ETHE1: variants seen among roughly 807,000 people sequenced by gnomAD.
ETHE1 encodes ETHE1 persulfide dioxygenase.
Under a neutral mutation model 25.7 loss-of-function variants are expected in ETHE1, and 16 were observed. The observed-to-expected ratio is 0.62, with a 90% CI of 0.42 to 0.95. The LOEUF is 0.95. Among genes scored for constraint, ETHE1 ranks in the 40% least tolerant of loss-of-function variants. The pLI, the probability that ETHE1 is intolerant of heterozygous loss-of-function variation, is 0.00. For missense variants in ETHE1, 300 were observed against 333.6 expected, an observed-to-expected ratio of 0.90 and a Z score of 0.79; for synonymous variants, 139 against 135.9, an observed-to-expected ratio of 1.02 and a Z score of -0.16.
chr19:43,506,968 C>G, intron 6 of ETHE1, 66 bp from the exon 7 acceptor site: 1 of 1,539,844 alleles, frequency 6.5e-7, no homozygotes, highest in South Asian at 1.1e-5. Context: ...CACTGGAGAC[C>G]CAGAAATCCT....
intron 3 of ETHE1, among the ~76,000 whole-genome samples, chr19:43,513,562 G>A (rs1971961917): frequency 6.6e-6 from 1 of 152,178 alleles, no homozygotes; most frequent in Non-Finnish European, 1.5e-5. Flanking sequence ...GGAGCCTGCA[G>A]CCCCTTCATT....
chr19:43,515,233 G>A (rs1157560956), intron 3 of ETHE1, among the ~76,000 whole-genome samples: 11 of 152,042 alleles, frequency 7.2e-5, no homozygotes, highest in Non-Finnish European at 1.6e-4. Context: ...CCCGGCCAAT[G>A]TGGTGAAACC....
Position 43,511,428 on chromosome 19 carries a change from G to A in ETHE1, c.505+9C>T, listed in dbSNP as rs2145984339. On this transcript the variant is annotated intron_variant, in intron 4 of 6. Coordinates refer to ENST00000292147, the MANE Select transcript of ETHE1 (RefSeq NM_014297.5). ...TGAAGATCTTGGGCTGGATAAAGGA[G>A]CTGGTCACCTTGCTGGAAGTCTGTC... The A allele has an allele frequency of 6.2e-7, 1 of 1,614,136 alleles. No individual in the cohort carries two copies. Among genetic ancestry groups the A allele is most frequent in the Non-Finnish European group, 8.5e-7 (1 of 1,180,022 alleles).
chr19:43,525,495 C>T (rs1240504097), intron 3 of ETHE1: 2 of 152,540 alleles, frequency 1.3e-5, no homozygotes. Context: ...GAATGCCCTG[C>T]CAGCTGTTTC....
At chr19:43,508,559 G>A (rs1191187083) in intron 5 of ETHE1, among the ~76,000 whole-genome samples, 2 of 152,004 alleles carry the variant, frequency 1.3e-5, no homozygotes, top group Non-Finnish European at 2.9e-5. Context: ...AGCTGGTCTC[G>A]AACTCACTCC....
At chr19:43,508,916 A>G in intron 4 of ETHE1, 52 bp from the exon 5 acceptor site, 2 of 1,375,720 alleles carry the variant, frequency 1.5e-6, no homozygotes, top group Non-Finnish European at 2.0e-6. Context: ...GAAGACTCTA[A>G]CCCCTTCCTT....
chr19:43,511,132 G>A (rs575561440), intron 4 of ETHE1, among the ~76,000 whole-genome samples: 1 of 152,018 alleles, frequency 6.6e-6, no homozygotes, highest in African/African-American at 2.4e-5. Context: ...TCTACATGAT[G>A]GTGAGTTACA....
At chr19:43,511,363 T>C (rs1379489447) in intron 4 of ETHE1, 74 bp downstream of exon 4, 5 of 1,606,230 alleles carry the variant, frequency 3.1e-6, no homozygotes, top group Admixed American at 1.7e-5. Flanking sequence ...CATTCATTCT[T>C]GTAACAGATA....
rs536344746 is a variant in ETHE1, at chr19:43,512,518, G to C, written c.376-952C>G. The stretch of plus-strand genomic sequence containing the variant: ...TAGAGATCTGTGGAACTTTGAACTT[G>C]AGAGAGATGACTTAGGGTACCTAGT... On this transcript the variant is annotated intron_variant, in intron 3 of 6. Coordinates refer to ENST00000292147, the MANE Select transcript of ETHE1 (RefSeq NM_014297.5). Among the ~76,000 whole-genome samples the C allele has an allele frequency of 3.3e-5, 5 of 152,256 alleles. No homozygotes were observed. The South Asian group carries it at 8.3e-4, about 25-fold the overall frequency.
intron 4 of ETHE1, among the ~76,000 whole-genome samples, chr19:43,511,046 G>T (rs1477033465): frequency 6.6e-6 from 1 of 151,994 alleles, no homozygotes. Context: ...AATGCCTGAT[G>T]ATCTGTCACT....
rs143395743 is a variant in ETHE1, at chr19:43,523,973, T to C, written c.375+2228A>G. On this transcript the variant is annotated intron_variant, in intron 3 of 6. Coordinates refer to ENST00000292147, the MANE Select transcript of ETHE1 (RefSeq NM_014297.5). The stretch of plus-strand genomic sequence containing the variant: ...AAATGTGCCTGGGCGCAGTGGCTCA[T>C]GCCTGTAATCCCAACACTTTGGGAG... 4.7e-3 allele frequency among the ~76,000 whole-genome samples: 717 copies of C among 151,842 alleles called. 10 individuals carry two copies. The highest frequency in any genetic ancestry group is 0.016 in the African/African-American group (671 of 41,374).
intron 3 of ETHE1, among the ~76,000 whole-genome samples, chr19:43,520,778 T>A (rs1972123482): frequency 6.6e-6 from 1 of 152,154 alleles, no homozygotes; most frequent in African/African-American, 2.4e-5. Flanking sequence ...GAAAAATTAC[T>A]CGTTTCACAA....
At chr19:43,516,036 A>G (rs985941950) in intron 3 of ETHE1, among the ~76,000 whole-genome samples, 5 of 152,220 alleles carry the variant, frequency 3.3e-5, no homozygotes, top group Non-Finnish European at 7.3e-5. Context: ...ACGATGTACA[A>G]TTTAAAACTT....
chr19:43,507,557 C>T, intron 6 of ETHE1: 1 of 393,032 alleles, frequency 2.5e-6, no homozygotes. Flanking sequence ...GGCCCCCAGC[C>T]CAGCCCCTCC....
At chr19:43,525,726 T>C in intron 3 of ETHE1, 1 of 226,702 alleles carries the variant, frequency 4.4e-6, no homozygotes, top group East Asian at 1.2e-4. Context: ...TACAGGACCC[T>C]GAGAGCGAGT....
In ETHE1 at chr19:43,508,016, G is replaced by A; in HGVS notation, c.640C>T (p.Arg214Trp). The change falls in exon 6 of 7, where the codon CGG (arginine) becomes TGG (tryptophan). Residue 214 changes from arginine to tryptophan, a missense_variant. Arg to Trp is a moderately radical substitution (Grantham distance 101, BLOSUM62 -3). Transcript: ENST00000292147. ...AACTCCTCACAGCTGAGGGTGAGCC[G>A]AGGGTTCAGAGTCCTCTCCTCCTCC... Reference protein sequence around the residue: ...TVEEERTLNPRLTLSCEEFVK... With the variant: ...TVEEERTLNPWLTLSCEEFVK... 7 of 1,614,100 alleles carry A rather than the reference G, an allele frequency of 4.3e-6. No homozygotes were observed. The highest frequency in any genetic ancestry group is 5.9e-6 in the Non-Finnish European group (7 of 1,180,018).
At chr19:43,520,930 G>C (rs2146005883) in intron 3 of ETHE1, among the ~76,000 whole-genome samples, 1 of 152,182 alleles carries the variant, frequency 6.6e-6, no homozygotes, top group South Asian at 2.1e-4. Context: ...GGGGATCAGT[G>C]TTTTCAGCAG....
intron 3 of ETHE1, among the ~76,000 whole-genome samples, chr19:43,521,356 T>C (rs1161180751): frequency 6.6e-6 from 1 of 151,902 alleles, no homozygotes; most frequent in Non-Finnish European, 1.5e-5. Context: ...GTTTTGGCGA[T>C]CCACTGCCTT....
At chr19:43,511,306 A>C in intron 4 of ETHE1, 131 bp downstream of exon 4, 1 of 1,408,340 alleles carries the variant, frequency 7.1e-7, no homozygotes, top group African/African-American at 1.4e-5. Context: ...TAGCAGGTAA[A>C]CTCCTTGAAT....
Sources: allele counts gnomAD v4.1 joint callset (sites outside exome capture counted in the v4.1 genomes callset), GRCh38; gene constraint gnomAD v4.1.1; transcripts MANE v1.5; gene names NCBI Gene and HGNC (gene_info 2026-07-23, HGNC 2026-07-21).